The following KIAA0319L variants were observed in gnomAD, a reference collection of about 807,000 sequenced individuals.
KIAA0319L encodes the protein KIAA0319 like.
Under a neutral mutation model 120.1 loss-of-function variants are expected in KIAA0319L, and 55 were observed. The ratio of observed to expected loss-of-function variants is 0.46; its 90% CI spans 0.37 to 0.57. KIAA0319L has a LOEUF of 0.57. Among genes scored for constraint, KIAA0319L ranks in the 20% least tolerant of loss-of-function variants. The pLI is 0.00. For missense variants in KIAA0319L, 1,049 were observed against 1,255.3 expected (o/e 0.84, Z 2.48); for synonymous variants, 398 against 471.9 (o/e 0.84, Z 2.03).
At chr1:35,547,476 T>C (rs918016827) in intron 2 of KIAA0319L, among the ~76,000 whole-genome samples, 4 of 151,938 alleles carry the variant, frequency 2.6e-5, no homozygotes, top group Non-Finnish European at 5.9e-5. Flanking sequence ...AGCCAAAAAG[T>C]AGAAACAACC....
intron 2 of KIAA0319L, chr1:35,511,551 G>A (rs1558538261): frequency 6.6e-6 from 1 of 152,102 alleles, no homozygotes; most frequent in Non-Finnish European, 1.5e-5. Context: ...GCAACATAGT[G>A]AGACCCCATC....
At chr1:35,488,572 T>C (rs985198525) in intron 3 of KIAA0319L, among the ~76,000 whole-genome samples, 1 of 151,794 alleles carries the variant, frequency 6.6e-6, no homozygotes, top group African/African-American at 2.4e-5. Flanking sequence ...GCCATGGGAG[T>C]GGATGAACTA....
intron 13 of KIAA0319L, 66 bp from the exon 14 acceptor site, chr1:35,450,575 G>T: frequency 6.8e-7 from 1 of 1,461,210 alleles, no homozygotes; most frequent in Non-Finnish European, 9.5e-7. Flanking sequence ...TCTTCATGAT[G>T]CTTATGGGGA....
At chr1:35,538,590 CAAAAAAAAA>C (rs757522421) in intron 2 of KIAA0319L, among the ~76,000 whole-genome samples, 8 of 31,944 alleles carry the variant, frequency 2.5e-4, no homozygotes, top group Admixed American at 3.0e-4. Context: ...AACTCTGTCT[CAAAAAAAAA>C]AAAAAAAAAA....
At chr1:35,529,204 C>T (rs1204589799) in intron 2 of KIAA0319L, among the ~76,000 whole-genome samples, 1 of 152,190 alleles carries the variant, frequency 6.6e-6, no homozygotes, top group East Asian at 1.9e-4. Context: ...ATGACTGGAC[C>T]AGTCCATATC....
intron 18 of KIAA0319L, among the ~76,000 whole-genome samples, chr1:35,442,663 T>A (rs144684001): frequency 2.6e-3 from 390 of 152,328 alleles, no homozygotes; most frequent in African/African-American, 8.9e-3. Flanking sequence ...CTGGTGGGAT[T>A]TAGGCTGTAA....
intron 3 of KIAA0319L, among the ~76,000 whole-genome samples, chr1:35,480,785 C>CAA (rs1028098139): frequency 7.5e-6 from 1 of 133,434 alleles, no homozygotes; most frequent in Non-Finnish European, 1.6e-5. Flanking sequence ...ACTCTTGTCT[C>CAA]AAAAAAAAAA....
intron 13 of KIAA0319L, 65 bp downstream of exon 13, chr1:35,451,563 C>T (rs998976859): frequency 6.7e-7 from 1 of 1,498,186 alleles, no homozygotes; most frequent in Non-Finnish European, 9.2e-7. Flanking sequence ...GCAAACATGA[C>T]AGGATAAATT....
Position 35,453,449 on chromosome 1 carries a change from C to T in KIAA0319L, c.1913+108G>A. On this transcript the variant is annotated intron_variant, in intron 12 of 20. Transcript: ENST00000325722. The surrounding 1 kb of genome is among the most constrained non-coding windows in gnomAD (Gnocchi z 4.1). ...TGCAAACATTTCTTCCTCAGTCACC[C>T]CACTGGATAAGCCAATAAGAGCAAC... 1.1e-6 allele frequency: 1 copy of T among 948,850 alleles called. No homozygotes were observed. Among genetic ancestry groups the T allele is most frequent in the Non-Finnish European group, 1.6e-6 (1 of 622,586 alleles). The allele number at this position is 948,850 out of a possible 1,614,324, so 58.8% of individuals were successfully genotyped here.
chr1:35,511,651 T>C (rs1645449819), intron 2 of KIAA0319L, among the ~76,000 whole-genome samples: 1 of 152,234 alleles, frequency 6.6e-6, no homozygotes, highest in Non-Finnish European at 1.5e-5. Context: ...AAGTAGTTTA[T>C]TTCTTCTGAC....
At chr1:35,480,700 T>C (rs928696437) in intron 3 of KIAA0319L, among the ~76,000 whole-genome samples, 3 of 151,988 alleles carry the variant, frequency 2.0e-5, no homozygotes, top group African/African-American at 7.3e-5. Context: ...AAGAATCACT[T>C]GAACCCGAGA....
intron 2 of KIAA0319L, among the ~76,000 whole-genome samples, chr1:35,537,914 T>C (rs1010175544): frequency 6.6e-6 from 1 of 152,170 alleles, no homozygotes; most frequent in Non-Finnish European, 1.5e-5. Context: ...GTACAAACTC[T>C]TCCCTCTATC....
intron 20 of KIAA0319L, among the ~76,000 whole-genome samples, chr1:35,436,806 T>A (rs941720425): frequency 1.3e-5 from 2 of 152,164 alleles, no homozygotes; most frequent in Non-Finnish European, 2.9e-5. Context: ...CAGCCTAAAC[T>A]GGCTCCTGGC....
chr1:35,514,933 T>C (rs1455594000), intron 2 of KIAA0319L, among the ~76,000 whole-genome samples: 1 of 152,170 alleles, frequency 6.6e-6, no homozygotes, highest in East Asian at 1.9e-4. Flanking sequence ...AACAACAGAA[T>C]ATACATTCTT....
intron 2 of KIAA0319L, among the ~76,000 whole-genome samples, chr1:35,531,935 C>T (rs1306092004): frequency 6.6e-6 from 1 of 152,092 alleles, no homozygotes; most frequent in African/African-American, 2.4e-5. Flanking sequence ...TATAGTGTTG[C>T]TAATAAAACT....
chr1:35,464,977 G>A (rs1290960947), intron 7 of KIAA0319L, among the ~76,000 whole-genome samples: 1 of 152,252 alleles, frequency 6.6e-6, no homozygotes, highest in African/African-American at 2.4e-5. Context: ...CTTCCGCCTA[G>A]ATTTCAGAGT....
intron 10 of KIAA0319L, 37 bp from the exon 11 acceptor site, chr1:35,454,522 C>T (rs750908514): frequency 6.2e-7 from 1 of 1,608,448 alleles, no homozygotes; most frequent in Non-Finnish European, 8.5e-7. Flanking sequence ...AAGTGGACTC[C>T]AGGAATCACA....
At chr1:35,469,997 C>T (rs775949467) in intron 6 of KIAA0319L, among the ~76,000 whole-genome samples, 20 of 151,842 alleles carry the variant, frequency 1.3e-4, no homozygotes, top group Non-Finnish European at 2.5e-4. Context: ...GCCTCCTGAC[C>T]GGCTGGGACT....
chr1:35,521,531 A>G (rs1228356559), intron 2 of KIAA0319L, among the ~76,000 whole-genome samples: 1 of 150,778 alleles, frequency 6.6e-6, no homozygotes, highest in Non-Finnish European at 1.5e-5. Flanking sequence ...CTACTCTGGA[A>G]GCTGAGGAGG....
Sources: allele counts gnomAD v4.1 joint callset (sites outside exome capture counted in the v4.1 genomes callset), GRCh38; gene constraint gnomAD v4.1.1; non-coding constraint Gnocchi (gnomAD v3.1); transcripts MANE v1.5; gene names NCBI Gene and HGNC (gene_info 2026-07-23, HGNC 2026-07-21).